THSD4: variants seen among roughly 807,000 people sequenced by gnomAD.
The protein encoded by THSD4 is thrombospondin type 1 domain containing 4.
Under a neutral mutation model 119.0 loss-of-function variants are expected in THSD4, and 69 were observed. The observed-to-expected ratio is 0.58, with a 90% confidence interval of 0.48 to 0.71. THSD4 has a LOEUF of 0.71. THSD4 is among the 30% of genes least tolerant of loss of function. The probability of loss-of-function intolerance (pLI) is 0.00; values close to 1 mark genes in which losing one functional copy is unlikely to be tolerated. For synonymous variants in THSD4, 524 were observed against 540.4 expected, an observed-to-expected ratio of 0.97 and a Z score of 0.42; for missense variants, 1,393 against 1,391.1, an observed-to-expected ratio of 1.00 and a Z score of -0.02.
chr15:71,623,331 G>C (rs2050451767), intron 7 of THSD4, among the ~76,000 whole-genome samples: 1 of 152,184 alleles, frequency 6.6e-6, no homozygotes, highest in Admixed American at 6.5e-5. Flanking sequence ...GCTTTACATA[G>C]ATTATACTCT....
intron 7 of THSD4, among the ~76,000 whole-genome samples, chr15:71,641,013 A>ACT (rs1491268362): frequency 1.4e-5 from 2 of 147,020 alleles, no homozygotes; most frequent in Admixed American, 6.8e-5. Context: ...ACACACACAC[A>ACT]CTTACACACT....
chr15:71,253,648 TC>T (rs745738314), intron 5 of THSD4, among the ~76,000 whole-genome samples: 20 of 152,160 alleles, frequency 1.3e-4, no homozygotes, highest in Non-Finnish European at 2.6e-4. Flanking sequence ...CCTCAAGTGA[TC>T]CGTCTGCCTC....
chr15:71,514,157 G>A (rs3934654), intron 7 of THSD4, among the ~76,000 whole-genome samples: 16,804 of 152,250 alleles, frequency 0.11, 1,153 homozygotes, highest in African/African-American at 0.19. Context: ...AGCATAGAAG[G>A]AAGGTGAGGA....
In THSD4 at chr15:71,242,789, A is replaced by G; in HGVS notation, c.605A>G (p.Gln202Arg). The G allele has an allele frequency of 6.2e-7, 1 of 1,614,186 alleles. No individual in the cohort carries two copies. Among genetic ancestry groups the G allele is most frequent in the South Asian group, 1.1e-5 (1 of 91,076 alleles). Reference sequence around the variant, plus strand: ...CTCTCATCCCGCCATTCCAGGTCCCAGGGAGCATCTTCTGCTAGGCATGGC... The same window carrying G: ...CTCTCATCCCGCCATTCCAGGTCCCGGGGAGCATCTTCTGCTAGGCATGGC... Reference protein sequence around the residue: ...QKLSSRHSRSQGASSARHGYS... With the variant: ...QKLSSRHSRSRGASSARHGYS... The change falls in exon 5 of 18, where the codon CAG (glutamine) becomes CGG (arginine). Residue 202 changes from glutamine (Q) to arginine (R), a missense_variant. Physicochemically the swap from Gln to Arg is conservative, Grantham distance 43. Transcript: ENST00000261862.
chr15:71,171,097 G>A (rs1356209773), intron 3 of THSD4, among the ~76,000 whole-genome samples: 6 of 152,042 alleles, frequency 3.9e-5, no homozygotes, highest in African/African-American at 1.2e-4. Context: ...GTACCAAAAG[G>A]AGAAGAGATA....
intron 3 of THSD4, among the ~76,000 whole-genome samples, chr15:71,211,297 G>C (rs1256221060): frequency 6.6e-6 from 1 of 152,120 alleles, no homozygotes; most frequent in Non-Finnish European, 1.5e-5. Context: ...GGGTGCTTAA[G>C]CAACAGGAAT....
intron 2 of THSD4, among the ~76,000 whole-genome samples, chr15:71,153,162 T>C (rs929919391): frequency 6.6e-5 from 10 of 152,300 alleles, no homozygotes; most frequent in Non-Finnish European, 1.5e-4. Context: ...CGGATCAAGC[T>C]CTGAATGTTG....
intron 6 of THSD4, among the ~76,000 whole-genome samples, chr15:71,275,774 C>T (rs1044648432): frequency 6.6e-6 from 1 of 152,134 alleles, no homozygotes; most frequent in Non-Finnish European, 1.5e-5. Flanking sequence ...TTAGTTCTCA[C>T]GGGATCTGTT....
In THSD4 at chr15:71,384,023, A is replaced by G. The variant is rs2046261870; in HGVS notation, c.1016-27664A>G. Among the ~76,000 whole-genome samples, 3 of 152,172 alleles carry G rather than the reference A, an allele frequency of 2.0e-5. No individual in the cohort carries two copies. The South Asian group carries it at 6.2e-4, about 31-fold the overall frequency. On this transcript the variant is annotated intron_variant, in intron 6 of 17. Coordinates refer to ENST00000261862, the MANE Select transcript of THSD4 (RefSeq NM_024817.3). ...TCAATAGGTGGTCTCTTTGCAACTT[A>G]GCTTCTGTTTCTTAGCTAAAATTAC...
chr15:71,586,636 G>A (rs2049676337), intron 7 of THSD4, among the ~76,000 whole-genome samples: 1 of 152,102 alleles, frequency 6.6e-6, no homozygotes, highest in Non-Finnish European at 1.5e-5. Context: ...AAAACTATCT[G>A]CTTTTAATCA....
intron 8 of THSD4, among the ~76,000 whole-genome samples, chr15:71,715,385 C>T (rs11632479): frequency 0.71 from 108,269 of 152,136 alleles, 44,213 homozygotes; most frequent in South Asian, 0.93. Context: ...CCTCACAATC[C>T]TGCATCTTTT....
At chr15:71,344,533 G>A (rs2045629574) in intron 6 of THSD4, among the ~76,000 whole-genome samples, 2 of 152,094 alleles carry the variant, frequency 1.3e-5, no homozygotes, top group African/African-American at 4.8e-5. Context: ...CATGCAGGGG[G>A]CTGGCTGGGT....
chr15:71,448,240 A>C (rs1017473962), intron 7 of THSD4, among the ~76,000 whole-genome samples: 7 of 152,218 alleles, frequency 4.6e-5, no homozygotes, highest in Non-Finnish European at 1.0e-4. Flanking sequence ...CATATTGTCC[A>C]CATCCTCATT....
chr15:71,405,913 A>AT (rs5813628), intron 6 of THSD4, among the ~76,000 whole-genome samples: 64,640 of 152,016 alleles, frequency 0.43, 16,399 homozygotes, highest in Middle Eastern at 0.63. Flanking sequence ...TGTAAATTGA[A>AT]TTCTTTTTCA....
chr15:71,112,007 C>T (rs549547628), upstream of THSD4: 3 of 1,204,794 alleles, frequency 2.5e-6, no homozygotes, highest in South Asian at 1.5e-5. Context: ...AAGTTTCCCC[C>T]CAAAGGGTCC....
At chr15:71,656,149 G>A (rs2051186837) in intron 7 of THSD4, among the ~76,000 whole-genome samples, 1 of 152,112 alleles carries the variant, frequency 6.6e-6, no homozygotes, top group Non-Finnish European at 1.5e-5. Flanking sequence ...ATCTATACAT[G>A]TGATAATAGT....
chr15:71,647,010 A>G (rs1748736269), intron 7 of THSD4, among the ~76,000 whole-genome samples: 1 of 152,238 alleles, frequency 6.6e-6, no homozygotes. Context: ...CACGTGCAGT[A>G]TAGATTACCT....
At chr15:71,099,677 G>A (rs1007914376) in intron 1 of THSD4, among the ~76,000 whole-genome samples, 2 of 151,968 alleles carry the variant, frequency 1.3e-5, no homozygotes, top group African/African-American at 4.8e-5. Flanking sequence ...TATTTAAAGT[G>A]GATTTTGCTG....
chr15:71,338,363 C>T (rs896860763), intron 6 of THSD4, among the ~76,000 whole-genome samples: 4 of 151,168 alleles, frequency 2.6e-5, no homozygotes, highest in African/African-American at 9.7e-5. Flanking sequence ...GCATGATAAA[C>T]ACTCTTTGGA....
Sources: allele counts gnomAD v4.1 joint callset (sites outside exome capture counted in the v4.1 genomes callset), GRCh38; gene constraint gnomAD v4.1.1; transcripts MANE v1.5; gene names NCBI Gene and HGNC (gene_info 2026-07-23, HGNC 2026-07-21).